The following CAMK2D variants were observed in gnomAD, a reference collection of about 807,000 sequenced individuals.
CAMK2D encodes calcium/calmodulin dependent protein kinase II delta.
CAMK2D carries 37 observed loss-of-function variants against 84.0 expected under a neutral mutation model. The observed-to-expected ratio is 0.44, with a 90% confidence interval of 0.34 to 0.58. CAMK2D has a LOEUF of 0.58. CAMK2D is among the 20% of genes least tolerant of loss of function. The probability of loss-of-function intolerance (pLI) is 0.02; values close to 1 mark genes in which losing one functional copy is unlikely to be tolerated. For synonymous variants in CAMK2D, 202 were observed against 212.5 expected (o/e 0.95, Z 0.43); for missense variants, 448 against 652.5 (o/e 0.69, Z 3.41).
At chr4:113,708,750 A>G (rs1203400011) in intron 2 of CAMK2D, among the ~76,000 whole-genome samples, 3 of 152,162 alleles carry the variant, frequency 2.0e-5, no homozygotes, top group African/African-American at 7.2e-5. Context: ...TTTTTGAGAC[A>G]GTCTTGCTCT....
chr4:113,656,372 G>A (rs1184820220), intron 3 of CAMK2D, among the ~76,000 whole-genome samples: 1 of 152,116 alleles, frequency 6.6e-6, no homozygotes, highest in Non-Finnish European at 1.5e-5. Context: ...CCAACCTGGA[G>A]CTGTTTAAAT....
intron 13 of CAMK2D, chr4:113,508,204 CAGG>C (rs1315255055): frequency 6.7e-7 from 1 of 1,498,418 alleles, no homozygotes; most frequent in African/African-American, 1.4e-5. Flanking sequence ...TGAATTTTCA[CAGG>C]AGGAGAAATC....
At chr4:113,733,272 A>G (rs897296652) in intron 2 of CAMK2D, among the ~76,000 whole-genome samples, 1 of 152,240 alleles carries the variant, frequency 6.6e-6, no homozygotes, top group Non-Finnish European at 1.5e-5. Context: ...TGTTCCTGTA[A>G]TAACAGTTGC....
chr4:113,489,766 A>G (rs2154136932), intron 16 of CAMK2D, among the ~76,000 whole-genome samples: 1 of 135,552 alleles, frequency 7.4e-6, no homozygotes, highest in Admixed American at 7.6e-5. Flanking sequence ...CAACAGTGTA[A>G]AAGTGTTCCT....
chr4:113,602,175 T>C (rs1341197512), intron 4 of CAMK2D, among the ~76,000 whole-genome samples: 2 of 152,186 alleles, frequency 1.3e-5, no homozygotes, highest in Non-Finnish European at 2.9e-5. Flanking sequence ...CATTTTTGCT[T>C]GAAGCTGTCT....
chr4:113,561,209 G>T (rs2098696910), intron 4 of CAMK2D, among the ~76,000 whole-genome samples: 1 of 152,154 alleles, frequency 6.6e-6, no homozygotes, highest in Non-Finnish European at 1.5e-5. Context: ...GATAGGTGTG[G>T]TGGCTCAGGC....
At chr4:113,525,785 T>C (rs1473493686) in intron 8 of CAMK2D, among the ~76,000 whole-genome samples, 2 of 152,208 alleles carry the variant, frequency 1.3e-5, no homozygotes, top group African/African-American at 4.8e-5. Context: ...TTGCATTTCT[T>C]TTGTTTTCTG....
intron 4 of CAMK2D, among the ~76,000 whole-genome samples, chr4:113,554,346 C>T (rs1273107493): frequency 1.3e-5 from 2 of 152,156 alleles, no homozygotes; most frequent in South Asian, 2.1e-4. Flanking sequence ...TTTAGCTATA[C>T]ATGGCAATAG....
intron 4 of CAMK2D, among the ~76,000 whole-genome samples, chr4:113,599,256 A>G (rs1561257440): frequency 6.6e-6 from 1 of 152,244 alleles, no homozygotes; most frequent in Non-Finnish European, 1.5e-5. Flanking sequence ...AAAATGGTAT[A>G]GCCACTTAAG....
At chr4:113,472,544 T>C (rs1039313083) in intron 16 of CAMK2D, among the ~76,000 whole-genome samples, 1 of 152,248 alleles carries the variant, frequency 6.6e-6, no homozygotes, top group Non-Finnish European at 1.5e-5. Flanking sequence ...TTCTAGTATT[T>C]GAGCTTGAGC....
chr4:113,695,801 T>C (rs951981548), intron 2 of CAMK2D, among the ~76,000 whole-genome samples: 23 of 152,114 alleles, frequency 1.5e-4, no homozygotes, highest in Admixed American at 1.4e-3. Context: ...CATTGCCTCC[T>C]AAGACAGATA....
At chr4:113,611,920 T>A (rs1440608822) in intron 3 of CAMK2D, among the ~76,000 whole-genome samples, 2 of 152,176 alleles carry the variant, frequency 1.3e-5, no homozygotes, top group Non-Finnish European at 2.9e-5. Context: ...AAATGTGTTA[T>A]TCATATCACA....
rs1401181243 is a variant in CAMK2D, at chr4:113,451,465, C to T, written c.*3080G>A. 2 of 152,118 alleles carry T rather than the reference C, an allele frequency of 1.3e-5. No individual in the cohort carries two copies. The highest frequency in any genetic ancestry group is 2.4e-5 in the African/African-American group (1 of 41,408). 9.4% of individuals were successfully genotyped at this position (152,118 alleles called of 1,614,324 possible). On this transcript the variant is annotated 3_prime_UTR_variant, in exon 21 of 21. Coordinates refer to ENST00000511664, the MANE Select transcript of CAMK2D (RefSeq NM_001321571.2). ...CTGTACCCATTAATCCTCACAATAT[C>T]TTTATTAAGTTGGTATGTTTATTCT...
intron 2 of CAMK2D, among the ~76,000 whole-genome samples, chr4:113,706,051 T>C (rs1404124855): frequency 6.6e-6 from 1 of 152,228 alleles, no homozygotes; most frequent in African/African-American, 2.4e-5. Context: ...GAGATGCTAA[T>C]TGGCTGGTAA....
At chr4:113,510,601 A>G (rs2098198108) in intron 12 of CAMK2D, among the ~76,000 whole-genome samples, 1 of 152,206 alleles carries the variant, frequency 6.6e-6, no homozygotes, top group African/African-American at 2.4e-5. Context: ...AATGACAATT[A>G]GTACACCAAG....
intron 2 of CAMK2D, among the ~76,000 whole-genome samples, chr4:113,698,340 C>G (rs67824066): frequency 0.18 from 27,471 of 151,904 alleles, 4,674 homozygotes; most frequent in African/African-American, 0.45. Flanking sequence ...ACTCTTTTCT[C>G]ATACATTGAC....
At chr4:113,743,638 C>G (rs2099597950) in intron 2 of CAMK2D, among the ~76,000 whole-genome samples, 1 of 152,178 alleles carries the variant, frequency 6.6e-6, no homozygotes, top group South Asian at 2.1e-4. Context: ...CCAAGCTTAT[C>G]TCTTATTCTC....
At chr4:113,716,649 C>CAA (rs397750449) in intron 2 of CAMK2D, among the ~76,000 whole-genome samples, 34,622 of 75,872 alleles carry the variant, frequency 0.46, 7,357 homozygotes, top group Admixed American at 0.55. Context: ...AGACTCCATC[C>CAA]AAAAAAAAAA....
In CAMK2D at chr4:113,526,420, G is replaced by A. The variant is rs1230711326; in HGVS notation, c.601+4796C>T. 3.3e-5 allele frequency among the ~76,000 whole-genome samples: 5 copies of A among 151,460 alleles called. No homozygotes were observed. In the South Asian group the frequency reaches 6.3e-4, roughly 19 times the overall value. On this transcript the variant is annotated intron_variant, in intron 8 of 20. Transcript: ENST00000511664. Reference sequence around the variant, plus strand: ...TTCTAAGGAGTCATTCTTGATGTGTGTGTGTGTGTGTGTGTGTGTGTGTGC... The same window carrying A: ...TTCTAAGGAGTCATTCTTGATGTGTATGTGTGTGTGTGTGTGTGTGTGTGC...
Sources: gnomAD v4.1 joint callset for allele counts (sites outside exome capture counted in the v4.1 genomes callset) on GRCh38, gnomAD v4.1.1 for gene constraint, MANE v1.5 for transcripts, NCBI Gene and HGNC (gene_info 2026-07-23, HGNC 2026-07-21) for gene names.